The following ADCY2 variants were observed in gnomAD, a reference collection of about 807,000 sequenced individuals.
ADCY2 encodes adenylate cyclase 2, also known as adenylate cyclase type 2.
A neutral mutation model predicts 125.2 loss-of-function variants in ADCY2; 31 were observed. That is an observed-to-expected ratio of 0.25 (90% CI 0.19 to 0.33). The LOEUF is 0.33. Among genes scored for constraint, ADCY2 ranks in the 10% least tolerant of loss-of-function variants. The pLI is 1.00. For missense variants in ADCY2, 904 were observed against 1,418.2 expected, an observed-to-expected ratio of 0.64 and a Z score of 5.82; for synonymous variants, 512 against 548.4, an observed-to-expected ratio of 0.93 and a Z score of 0.93.
At chr5:7,703,087 T>C (rs1435286269) in intron 7 of ADCY2, among the ~76,000 whole-genome samples, 2 of 152,242 alleles carry the variant, frequency 1.3e-5, no homozygotes, top group African/African-American at 4.8e-5. Flanking sequence ...TTGATTTTTT[T>C]CTTGTAAATT....
At chr5:7,598,232 G>A (rs1339260234) in intron 3 of ADCY2, among the ~76,000 whole-genome samples, 1 of 152,146 alleles carries the variant, frequency 6.6e-6, no homozygotes, top group Non-Finnish European at 1.5e-5. Flanking sequence ...AGGGAAAGGT[G>A]GGAGTGGGAG....
At chr5:7,533,094 T>TC (rs1376800927) in intron 3 of ADCY2, among the ~76,000 whole-genome samples, 5 of 149,904 alleles carry the variant, frequency 3.3e-5, no homozygotes, top group African/African-American at 1.2e-4. Context: ...TATGTATATA[T>TC]ACATGTATAT....
chr5:7,460,519 CT>C (rs1741879281), intron 2 of ADCY2, among the ~76,000 whole-genome samples: 1 of 152,076 alleles, frequency 6.6e-6, no homozygotes, highest in Non-Finnish European at 1.5e-5. Flanking sequence ...AATTAAAACT[CT>C]TGAGTTATGA....
intron 4 of ADCY2, among the ~76,000 whole-genome samples, chr5:7,680,185 G>A (rs1256308728): frequency 6.6e-6 from 1 of 152,204 alleles, no homozygotes; most frequent in Non-Finnish European, 1.5e-5. Flanking sequence ...GTCAATGTTT[G>A]TGAGCAGTCT....
intron 19 of ADCY2, among the ~76,000 whole-genome samples, chr5:7,787,393 T>C (rs1022787493): frequency 3.3e-5 from 5 of 152,326 alleles, no homozygotes; most frequent in African/African-American, 7.2e-5. Flanking sequence ...CAGGATGATA[T>C]TATCCTGAGA....
intron 3 of ADCY2, among the ~76,000 whole-genome samples, chr5:7,551,921 T>C (rs893469216): frequency 6.6e-6 from 1 of 152,216 alleles, no homozygotes; most frequent in Non-Finnish European, 1.5e-5. Context: ...AATATCTTTT[T>C]TCTGTATGTA....
intron 4 of ADCY2, among the ~76,000 whole-genome samples, chr5:7,654,814 A>G (rs578022308): frequency 2.0e-5 from 3 of 152,194 alleles, no homozygotes; most frequent in Non-Finnish European, 4.4e-5. Flanking sequence ...ACTGCTGTCA[A>G]TAGTAAGGGG....
intron 1 of ADCY2, among the ~76,000 whole-genome samples, chr5:7,413,628 A>C (rs917653489): frequency 6.7e-6 from 1 of 149,206 alleles, no homozygotes; most frequent in African/African-American, 2.5e-5. Context: ...GTGTCTGTGG[A>C]TATTTCTGTT....
chr5:7,741,684 C>T (rs1421538867), intron 14 of ADCY2, among the ~76,000 whole-genome samples: 5 of 3,578 alleles, frequency 1.4e-3, no homozygotes, highest in Non-Finnish European at 2.7e-3. Flanking sequence ...TCACCATCAC[C>T]GTCACCATCA....
chr5:7,590,871 A>T (rs1336217134), intron 3 of ADCY2, among the ~76,000 whole-genome samples: 3 of 151,998 alleles, frequency 2.0e-5, no homozygotes, highest in African/African-American at 7.2e-5. Context: ...TATAGTCAAG[A>T]CTCTTATTAT....
At chr5:7,792,095 G>A (rs1450899106) in intron 20 of ADCY2, among the ~76,000 whole-genome samples, 4 of 151,956 alleles carry the variant, frequency 2.6e-5, no homozygotes, top group African/African-American at 7.3e-5. Context: ...AGCTGAGGCC[G>A]GGCGCGGTGG....
intron 2 of ADCY2, among the ~76,000 whole-genome samples, chr5:7,500,406 A>G (rs1743517934): frequency 6.6e-6 from 1 of 152,186 alleles, no homozygotes. Context: ...AAGTGAGGGG[A>G]AAAAGGATAA....
At chr5:7,758,896 G>A (rs1190729426) in intron 16 of ADCY2, among the ~76,000 whole-genome samples, 7 of 152,152 alleles carry the variant, frequency 4.6e-5, no homozygotes, top group Non-Finnish European at 1.0e-4. Flanking sequence ...GAAAAACAAG[G>A]CTGAAGAAGT....
At chr5:7,668,230 C>CT (rs1165887815) in intron 4 of ADCY2, among the ~76,000 whole-genome samples, 19 of 152,206 alleles carry the variant, frequency 1.2e-4, no homozygotes, top group Admixed American at 6.5e-4. Context: ...TCAGTAAACT[C>CT]TGAGTAAATC....
At chr5:7,458,693 T>A (rs1741801547) in intron 2 of ADCY2, among the ~76,000 whole-genome samples, 1 of 152,122 alleles carries the variant, frequency 6.6e-6, no homozygotes. Context: ...ACAACACAGA[T>A]ATCACCATTA....
intron 4 of ADCY2, among the ~76,000 whole-genome samples, chr5:7,664,661 C>T (rs1232279319): frequency 6.6e-6 from 1 of 152,142 alleles, no homozygotes; most frequent in Non-Finnish European, 1.5e-5. Flanking sequence ...CCTTGCTATA[C>T]CTTGAAATTG....
At chr5:7,819,400 C>G (rs1745224392) in intron 23 of ADCY2, among the ~76,000 whole-genome samples, 1 of 152,194 alleles carries the variant, frequency 6.6e-6, no homozygotes, top group Non-Finnish European at 1.5e-5. Context: ...ACCAGAACGG[C>G]TATTTGCCAG....
chr5:7,422,184 T>C (rs1740228877), intron 2 of ADCY2, among the ~76,000 whole-genome samples: 1 of 152,172 alleles, frequency 6.6e-6, no homozygotes, highest in Non-Finnish European at 1.5e-5. Flanking sequence ...AAGTGATGTT[T>C]TATTTGATGA....
chr5:7,489,891 AAG>A (rs1264705123), intron 2 of ADCY2, among the ~76,000 whole-genome samples: 3 of 152,188 alleles, frequency 2.0e-5, no homozygotes, highest in Admixed American at 6.5e-5. Context: ...GTGATGACTT[AAG>A]ATGGGGTGAC....
Sources: allele counts gnomAD v4.1 joint callset (sites outside exome capture counted in the v4.1 genomes callset), GRCh38; gene constraint gnomAD v4.1.1; transcripts MANE v1.5; gene names NCBI Gene and HGNC (gene_info 2026-07-23, HGNC 2026-07-21).